FIGN: variants seen among roughly 807,000 people sequenced by gnomAD.
FIGN encodes the protein fidgetin.
FIGN carries 11 observed loss-of-function variants against 51.3 expected under a neutral mutation model. That is an observed-to-expected ratio of 0.21 (90% CI 0.13 to 0.35). FIGN has a LOEUF of 0.35. Ranked by LOEUF, FIGN falls within the 10% of genes least tolerant of loss-of-function variation. FIGN has a pLI of 1.00. For missense variants in FIGN, 857 were observed against 943.6 expected, an observed-to-expected ratio of 0.91 and a Z score of 1.20; for synonymous variants, 407 against 363.2, an observed-to-expected ratio of 1.12 and a Z score of -1.37.
rs1478845224 is a variant in FIGN at position 163,603,082 on chromosome 2, A to G, written c.*6470T>C. The G allele has an allele frequency of 1.3e-5, 2 of 152,154 alleles. No homozygotes were observed. The highest frequency in any genetic ancestry group is 2.9e-5 in the Non-Finnish European group (2 of 67,994). The allele number at this position is 152,154 out of a possible 1,614,324, so 9.4% of individuals were successfully genotyped here. A position where few individuals can be genotyped will look rare whatever the true frequency, so the allele number is the denominator to read the frequency against. On this transcript the variant is annotated 3_prime_UTR_variant, in exon 3 of 3. Transcript: ENST00000333129. ...TGTCTCATTTACATTAATAATGTTCACAAATTATATGAATTCATTTTGCAA... is the reference window on the plus strand; with the variant it reads ...TGTCTCATTTACATTAATAATGTTCGCAAATTATATGAATTCATTTTGCAA...
At chr2:163,689,207 CAGAG>C (rs903407081) in intron 2 of FIGN, among the ~76,000 whole-genome samples, 6 of 150,956 alleles carry the variant, frequency 4.0e-5, no homozygotes, top group Non-Finnish European at 5.9e-5. Context: ...GAAACACACA[CAGAG>C]AGAGAGTGAG....
Position 163,663,064 on chromosome 2 carries a change from C to G in FIGN, c.26-51258G>C, listed in dbSNP as rs544126086. On this transcript the variant is annotated intron_variant, in intron 2 of 2. Coordinates refer to ENST00000333129, the MANE Select transcript of FIGN (RefSeq NM_018086.4). ...AACGAACTAATACAACGATGTTGGC[C>G]AGGCTGTTCACTGGCTAATTTTTTT... is the stretch of plus-strand genomic sequence containing the variant. 5.3e-4 allele frequency among the ~76,000 whole-genome samples: 81 copies of G among 152,134 alleles called. 1 individual carries two copies. In the South Asian group the frequency reaches 0.013, roughly 25 times the overall value.
intron 2 of FIGN, among the ~76,000 whole-genome samples, chr2:163,676,123 C>T (rs369029126): frequency 2.0e-5 from 3 of 151,224 alleles, no homozygotes; most frequent in Non-Finnish European, 2.9e-5. Flanking sequence ...AGTCTGAATC[C>T]GTAAATAAGG....
chr2:163,622,399 GTTGTTAC>G (rs1282336894), intron 2 of FIGN, among the ~76,000 whole-genome samples: 5 of 152,014 alleles, frequency 3.3e-5, no homozygotes, highest in African/African-American at 1.2e-4. Context: ...GCATAAAGAT[GTTGTTAC>G]TTCCAGATGG....
intron 2 of FIGN, among the ~76,000 whole-genome samples, chr2:163,670,731 C>T (rs1406216002): frequency 6.6e-6 from 1 of 152,168 alleles, no homozygotes; most frequent in Non-Finnish European, 1.5e-5. Flanking sequence ...CTTTTAAATT[C>T]ATCCACAATG....
chr2:163,649,516 G>A (rs540782740), intron 2 of FIGN, among the ~76,000 whole-genome samples: 8 of 152,246 alleles, frequency 5.3e-5, no homozygotes, highest in South Asian at 4.1e-4. Context: ...CAGATGTTCC[G>A]TGTCCCAGCT....
intron 2 of FIGN, among the ~76,000 whole-genome samples, chr2:163,684,101 AG>A (rs1684108431): frequency 6.6e-6 from 1 of 152,152 alleles, no homozygotes; most frequent in African/African-American, 2.4e-5. Flanking sequence ...CTATACTTCA[AG>A]AGTTTTTCTT....
chr2:163,617,001 T>C (rs1324355607), intron 2 of FIGN: 14 of 626,700 alleles, frequency 2.2e-5, no homozygotes, highest in Non-Finnish European at 2.8e-5. Flanking sequence ...ATTATCATTC[T>C]TCAATGGGAG....
chr2:163,722,557 C>T (rs1209353871), intron 2 of FIGN, among the ~76,000 whole-genome samples: 2 of 152,096 alleles, frequency 1.3e-5, no homozygotes, highest in Non-Finnish European at 2.9e-5. Context: ...AAAAATATTT[C>T]ATGGAGAATA....
At chr2:163,703,302 C>T (rs1485054630) in intron 2 of FIGN, among the ~76,000 whole-genome samples, 4 of 152,044 alleles carry the variant, frequency 2.6e-5, no homozygotes, top group African/African-American at 7.2e-5. Context: ...TGCTGGGCAA[C>T]TGAAACTGTG....
intron 2 of FIGN, among the ~76,000 whole-genome samples, chr2:163,733,845 C>T (rs1433821115): frequency 6.6e-6 from 1 of 150,584 alleles, no homozygotes; most frequent in Non-Finnish European, 1.5e-5. Flanking sequence ...CCCCTGGCAG[C>T]TTTGCCCCAC....
intron 2 of FIGN, among the ~76,000 whole-genome samples, chr2:163,676,070 C>T (rs1365946705): frequency 6.6e-6 from 1 of 151,174 alleles, no homozygotes; most frequent in Non-Finnish European, 1.5e-5. Flanking sequence ...ATCCTCAATG[C>T]CAGTGTGGAA....
intron 2 of FIGN, among the ~76,000 whole-genome samples, chr2:163,711,711 T>C (rs1224028544): frequency 6.6e-6 from 1 of 150,850 alleles, no homozygotes; most frequent in Admixed American, 6.6e-5. Context: ...ATATTAACAG[T>C]GTAAGCAAGG....
intron 2 of FIGN, among the ~76,000 whole-genome samples, chr2:163,712,172 GA>G (rs1684597274): frequency 6.6e-6 from 1 of 151,998 alleles, no homozygotes; most frequent in African/African-American, 2.4e-5. Flanking sequence ...AAAAAAGAAA[GA>G]AAAAAGGCCA....
intron 2 of FIGN, among the ~76,000 whole-genome samples, chr2:163,633,889 C>T (rs1316794757): frequency 6.6e-6 from 1 of 152,186 alleles, no homozygotes; most frequent in Non-Finnish European, 1.5e-5. Flanking sequence ...AACTCACCAA[C>T]TACCCAGGCA....
rs558381846 is a variant in FIGN, at chr2:163,672,248, C to T, written c.26-60442G>A. Reference sequence around the variant, plus strand: ...ATTAGATAACAAGTTATTTCAATGGCTCTAAAAAAAAAAAAAAACTACTTC... The same window carrying T: ...ATTAGATAACAAGTTATTTCAATGGTTCTAAAAAAAAAAAAAAACTACTTC... On this transcript the variant is annotated intron_variant, in intron 2 of 2. Transcript: ENST00000333129. Among the ~76,000 whole-genome samples, 20 of 124,268 alleles carry T rather than the reference C, an allele frequency of 1.6e-4. No homozygotes were observed. In the East Asian group the frequency reaches 6.3e-3, roughly 39 times the overall value. 81.5% of individuals were successfully genotyped at this position (124,268 alleles called of 152,430 possible).
Position 163,611,349 on chromosome 2 carries a change from A to C in FIGN, c.483T>G (p.Pro161=), listed in dbSNP as rs1558994959. The part of the protein sequence containing the change: ...SPGVASNLTE[P]SYSSSTCGSH... The stretch of plus-strand genomic sequence containing the variant: ...TTCCACAGGTACTACTTGAATAACT[A>C]GGTTCTGTCAGGTTGCTGGCTACCC... The change falls in exon 3 of 3, where the codon CCT becomes CCG. Residue 161 remains proline, a synonymous_variant. Transcript: ENST00000333129. 6.2e-7 allele frequency: 1 copy of C among 1,614,110 alleles called. No homozygotes were observed. The highest frequency in any genetic ancestry group is 1.1e-5 in the South Asian group (1 of 91,076).
chr2:163,687,648 C>T (rs1684170847), intron 2 of FIGN, among the ~76,000 whole-genome samples: 1 of 152,140 alleles, frequency 6.6e-6, no homozygotes, highest in South Asian at 2.1e-4. Flanking sequence ...TTCTACTTGC[C>T]ATTTGATTAA....
chr2:163,634,604 A>T (rs1037153532), intron 2 of FIGN, among the ~76,000 whole-genome samples: 2 of 152,156 alleles, frequency 1.3e-5, no homozygotes, highest in Non-Finnish European at 2.9e-5. Context: ...ATGTGTGTCT[A>T]CCAAAATCTA....
Sources: allele counts gnomAD v4.1 joint callset (sites outside exome capture counted in the v4.1 genomes callset), GRCh38; gene constraint gnomAD v4.1.1; transcripts MANE v1.5; gene names NCBI Gene and HGNC (gene_info 2026-07-23, HGNC 2026-07-21).